The following AIPL1 variants were observed in gnomAD, a reference collection of about 807,000 sequenced individuals.
The protein encoded by AIPL1 is AIP like 1 HSP90 co-chaperone, also known as aryl-hydrocarbon-interacting protein-like 1.
In AIPL1, 23 loss-of-function variants were observed where a neutral mutation model predicts 32.9. The observed-to-expected ratio is 0.70, with a 90% CI of 0.50 to 0.99. The LOEUF is 0.99. Ranked by LOEUF, AIPL1 falls within the 50% of genes least tolerant of loss-of-function variation. The pLI is 0.00. For missense variants in AIPL1, 485 were observed against 506.0 expected, an observed-to-expected ratio of 0.96 and a Z score of 0.40; for synonymous variants, 210 against 209.4, an observed-to-expected ratio of 1.00 and a Z score of -0.02.
At position 6,424,214 on chromosome 17, in the gene AIPL1, CAG is replaced by C. The variant is rs777828612; in HGVS notation, c.*1244_*1245del. The C allele has an allele frequency of 2.0e-5, 3 of 152,310 alleles. No homozygotes were observed. The highest frequency in any genetic ancestry group is 6.5e-5 in the Admixed American group (1 of 15,288). 9.4% of individuals were successfully genotyped at this position (152,310 alleles called of 1,614,324 possible). A position where few individuals can be genotyped will look rare whatever the true frequency, so the allele number is the denominator to read the frequency against. On this transcript the variant is annotated 3_prime_UTR_variant, in exon 6 of 6. Transcript: ENST00000381129. ...AGACTAACTTGAAGATGAGCTAAAA[CAG>C]GGGCGAGTGGAAGCGGCTTTCCCTA...
intron 3 of AIPL1, among the ~76,000 whole-genome samples, chr17:6,427,332 T>G (rs1436271305): frequency 6.6e-6 from 1 of 152,252 alleles, no homozygotes; most frequent in Non-Finnish European, 1.5e-5. Context: ...AATACACTAT[T>G]GCCATCTGCT....
chr17:6,434,508 C>T (rs530946912), intron 1 of AIPL1, among the ~76,000 whole-genome samples: 7 of 152,084 alleles, frequency 4.6e-5, no homozygotes, highest in East Asian at 3.9e-4. Context: ...GGATTACAGG[C>T]GCCCAGCACA....
chr17:6,425,325 A>C lies in AIPL1; in HGVS notation c.*135T>G. The C allele has an allele frequency of 3.4e-6, 3 of 895,364 alleles. No homozygotes were observed. The highest frequency in any genetic ancestry group is 3.7e-5 in the Admixed American group (1 of 27,148). 55.5% of individuals were successfully genotyped at this position (895,364 alleles called of 1,614,324 possible). ...TGGGATTGTTTTTTTTTTTTTTTTT[A>C]CCATGGGTGTGTCTGACTTTGATTT... On this transcript the variant is annotated 3_prime_UTR_variant, in exon 6 of 6. Transcript: ENST00000381129.
In AIPL1 at chr17:6,430,456, C is replaced by CAAAAAAA. The variant is rs1169701817; in HGVS notation, c.277-1957_277-1951dup. On this transcript the variant is annotated intron_variant, in intron 2 of 5. Coordinates refer to ENST00000381129, the MANE Select transcript of AIPL1 (RefSeq NM_014336.5). ...GGGCAACAAGAGCGAAAGTCCGTCT[C>CAAAAAAA]AAAAAAAAAAAAAAAAAAAAAAAAC... 4.6e-3 allele frequency among the ~76,000 whole-genome samples: 206 copies of CAAAAAAA among 44,480 alleles called. 9 individuals are homozygous for CAAAAAAA. Among genetic ancestry groups the CAAAAAAA allele is most frequent in the East Asian group, 6.5e-3 (9 of 1,378 alleles). 29.2% of individuals were successfully genotyped at this position (44,480 alleles called of 152,430 possible).
At chr17:6,428,581 A>G in intron 2 of AIPL1, 75 bp from the exon 3 acceptor site, 1 of 1,415,214 alleles carries the variant, frequency 7.1e-7, no homozygotes, top group African/African-American at 1.4e-5. Context: ...GCCTCCACTC[A>G]GAGCCCCTCC....
chr17:6,426,320 A>C, intron 5 of AIPL1: 1 of 1,373,326 alleles, frequency 7.3e-7, no homozygotes, highest in Non-Finnish European at 9.4e-7. Context: ...ATTTTTCCCT[A>C]TATTGATTGC....
chr17:6,430,891 G>A (rs1050615955), intron 2 of AIPL1, among the ~76,000 whole-genome samples: 3 of 152,020 alleles, frequency 2.0e-5, no homozygotes, highest in African/African-American at 7.3e-5. Flanking sequence ...AAAAACACAG[G>A]GACTGCTACA....
At position 6,426,645 on chromosome 17, in the gene AIPL1, G is replaced by T; in HGVS notation, c.754C>A (p.His252Asn). The change falls in exon 5 of 6, where the codon CAC becomes AAC. Residue 252 changes from histidine (H) to asparagine (N), a missense_variant. His to Asn is a moderately conservative substitution (Grantham distance 68, BLOSUM62 1). Transcript: ENST00000381129. ...KKEEYYEVLE[H>N]TSDILRHHPG... ...TGGTGCCGGAGAATATCACTGGTGT[G>T]CTCCAGCACCTCATAGTACTCCTCC... 6.2e-7 allele frequency: 1 copy of T among 1,614,166 alleles called. No individual in the cohort carries two copies. Among genetic ancestry groups the T allele is most frequent in the Non-Finnish European group, 8.5e-7 (1 of 1,180,030 alleles).
At position 6,426,463 on chromosome 17, in the gene AIPL1, T is replaced by A. The variant is rs556292126; in HGVS notation, c.784+152A>T. 122 of 1,494,128 alleles carry A rather than the reference T, an allele frequency of 8.2e-5. 1 individual carries two copies. The highest frequency in any genetic ancestry group is 5.1e-5 in the Non-Finnish European group (57 of 1,123,528). 92.6% of individuals were successfully genotyped at this position (1,494,128 alleles called of 1,614,324 possible). ...AGCACTGCCCATCCATCACCCACAATTCAGTTACACACTCGGGGAAACCCG... is the reference window on the plus strand; with the variant it reads ...AGCACTGCCCATCCATCACCCACAAATCAGTTACACACTCGGGGAAACCCG... On this transcript the variant is annotated intron_variant, in intron 5 of 5. Coordinates refer to ENST00000381129, the MANE Select transcript of AIPL1 (RefSeq NM_014336.5).
chr17:6,434,645 G>A (rs12449582), intron 1 of AIPL1, among the ~76,000 whole-genome samples: 14 of 151,950 alleles, frequency 9.2e-5, no homozygotes, highest in Non-Finnish European at 1.8e-4. Flanking sequence ...GGCGGGAGCC[G>A]CCTCGCCTGG....
intron 2 of AIPL1, among the ~76,000 whole-genome samples, chr17:6,433,412 C>A (rs776705536): frequency 6.6e-6 from 1 of 152,094 alleles, no homozygotes. Flanking sequence ...GCCTGGCCAA[C>A]GTGGCAAAAC....
chr17:6,426,422 G>A (rs1911957542), intron 5 of AIPL1, 193 bp downstream of exon 5: 1 of 1,443,304 alleles, frequency 6.9e-7, no homozygotes, highest in Non-Finnish European at 9.1e-7. Context: ...TTAAAATAAA[G>A]GGCCGCCCCG....
chr17:6,430,803 TCACA>T (rs901108342), intron 2 of AIPL1, among the ~76,000 whole-genome samples: 76 of 152,136 alleles, frequency 5.0e-4, no homozygotes, highest in African/African-American at 1.4e-3. Context: ...CTAACTGAAA[TCACA>T]AAGAAGCCAA....
At chr17:6,428,167 TCG>T in intron 3 of AIPL1, 149 bp downstream of exon 3, 11 of 918,732 alleles carry the variant, frequency 1.2e-5, no homozygotes, top group Admixed American at 1.2e-4. Flanking sequence ...TTTTTCAAAT[TCG>T]TATTCTCCCA....
intron 2 of AIPL1, among the ~76,000 whole-genome samples, chr17:6,432,966 T>C (rs1285638713): frequency 6.6e-6 from 1 of 152,176 alleles, no homozygotes; most frequent in Non-Finnish European, 1.5e-5. Flanking sequence ...GTCTGGCATT[T>C]GGTTTAACCA....
chr17:6,428,237 G>A (rs904144016), intron 3 of AIPL1, 81 bp downstream of exon 3: 6 of 1,500,176 alleles, frequency 4.0e-6, no homozygotes, highest in South Asian at 2.3e-5. Context: ...CCAGTGGCCA[G>A]TGGGGTGGGG....
chr17:6,434,018 C>T lies in AIPL1; in HGVS notation c.177G>A (p.Met59Ile). ...IDDSRQVGQPMHIIIGNMFKL... is the reference protein window; with the variant it reads ...IDDSRQVGQPIHIIIGNMFKL... ...TGAACATGTTTCCGATGATGATGTG[C>T]ATGGGCTGGCCCACCTGCCGACTGT... Residue 59 changes from methionine (M) to isoleucine (I), a missense_variant, in exon 2 of 6, where the codon ATG becomes ATA. Coordinates refer to ENST00000381129, the MANE Select transcript of AIPL1 (RefSeq NM_014336.5). 1 of 1,613,948 alleles carries T rather than the reference C, an allele frequency of 6.2e-7. No homozygotes were observed. Among genetic ancestry groups the T allele is most frequent in the South Asian group, 1.1e-5 (1 of 91,070 alleles).
In AIPL1 at chr17:6,427,206, C is replaced by T. The variant is rs546788080; in HGVS notation, c.466-149G>A. On this transcript the variant is annotated intron_variant, in intron 3 of 5. Transcript: ENST00000381129. ...AGACAAGGGAAAGAAGCAACAACGC[C>T]GAAAACCCTGCCCTAAATCAATGTC... 271 of 831,218 alleles carry T rather than the reference C, an allele frequency of 3.3e-4. No homozygotes were observed. In the African/African-American group the frequency reaches 3.4e-3, roughly 10 times the overall value. 51.5% of individuals were successfully genotyped at this position (831,218 alleles called of 1,614,324 possible). A position where few individuals can be genotyped will look rare whatever the true frequency, so the allele number is the denominator to read the frequency against.
At chr17:6,434,171 C>T (rs1215166518) in intron 1 of AIPL1, 73 bp from the exon 2 acceptor site, 19 of 1,542,750 alleles carry the variant, frequency 1.2e-5, no homozygotes, top group South Asian at 4.6e-5. Flanking sequence ...CCCTTGCCAC[C>T]GACACCCAGG....
Sources: gnomAD v4.1 joint callset for allele counts (sites outside exome capture counted in the v4.1 genomes callset) on GRCh38, gnomAD v4.1.1 for gene constraint, MANE v1.5 for transcripts, NCBI Gene and HGNC (gene_info 2026-07-23, HGNC 2026-07-21) for gene names.